NRXN1: variants seen among roughly 807,000 people sequenced by gnomAD.
NRXN1 encodes the protein neurexin-1.
Under a neutral mutation model 150.9 loss-of-function variants are expected in NRXN1, and 39 were observed. The ratio of observed to expected loss-of-function variants is 0.26; its 90% CI spans 0.20 to 0.34. NRXN1 has a LOEUF of 0.34. Ranked by LOEUF, NRXN1 falls within the 10% of genes least tolerant of loss-of-function variation. The probability of loss-of-function intolerance (pLI) is 1.00; values close to 1 mark genes in which losing one functional copy is unlikely to be tolerated. For synonymous variants in NRXN1, 924 were observed against 757.0 expected (o/e 1.22, Z -3.62); for missense variants, 1,815 against 1,949.9 (o/e 0.93, Z 1.30).
rs148317061 is a variant in NRXN1 at position 50,874,849 on chromosome 2, C to T, written c.832+47020G>A. Among the ~76,000 whole-genome samples, 367 of 151,788 alleles carry T rather than the reference C, an allele frequency of 2.4e-3. 2 individuals are homozygous for T. Among genetic ancestry groups the T allele is most frequent in the African/African-American group, 6.5e-3 (268 of 41,468 alleles). ...CAGTCCTTCATATTTTTATATACTA[C>T]GTTGAGAAATGGGAATTCCTGTCAA... On this transcript the variant is annotated intron_variant, in intron 5 of 22. Transcript: ENST00000401669.
At chr2:50,439,139 G>C (rs1049532911) in intron 17 of NRXN1, among the ~76,000 whole-genome samples, 3 of 152,142 alleles carry the variant, frequency 2.0e-5, no homozygotes, top group African/African-American at 7.2e-5. Context: ...GATCAGACAT[G>C]GTGACTACAA....
intron 2 of NRXN1, among the ~76,000 whole-genome samples, chr2:51,010,642 A>G (rs1370088325): frequency 6.6e-6 from 1 of 152,056 alleles, no homozygotes; most frequent in Non-Finnish European, 1.5e-5. Context: ...AAACTGTTAA[A>G]GGAAATACAC....
At chr2:49,980,181 T>G (rs1679755316) in intron 21 of NRXN1, among the ~76,000 whole-genome samples, 1 of 152,162 alleles carries the variant, frequency 6.6e-6, no homozygotes, top group African/African-American at 2.4e-5. Context: ...AGAACTAGCG[T>G]TCCAGAATAG....
chr2:50,123,578 C>T (rs1480159988), intron 18 of NRXN1, among the ~76,000 whole-genome samples: 2 of 152,146 alleles, frequency 1.3e-5, no homozygotes, highest in Non-Finnish European at 2.9e-5. Context: ...TTAAAAAGCT[C>T]ATTCTCAGAG....
chr2:50,961,964 T>TAA (rs34227089), intron 2 of NRXN1, among the ~76,000 whole-genome samples: 269 of 147,724 alleles, frequency 1.8e-3, no homozygotes, highest in African/African-American at 5.6e-3. Context: ...GCCTGCTAGT[T>TAA]AAAAAAAAAA....
intron 13 of NRXN1, among the ~76,000 whole-genome samples, chr2:50,499,817 G>T (rs867785402): frequency 3.9e-5 from 6 of 151,908 alleles, no homozygotes; most frequent in Admixed American, 6.6e-5. Context: ...GCGTGGTGGT[G>T]GGCGCCTGTA....
At chr2:50,406,717 C>A (rs537089464) in intron 17 of NRXN1, among the ~76,000 whole-genome samples, 3 of 152,092 alleles carry the variant, frequency 2.0e-5, no homozygotes, top group Non-Finnish European at 2.9e-5. Context: ...CAGAGAGAGA[C>A]AGACAGAGTT....
chr2:50,000,251 T>C (rs964397716), intron 21 of NRXN1, among the ~76,000 whole-genome samples: 1 of 152,192 alleles, frequency 6.6e-6, no homozygotes, highest in South Asian at 2.1e-4. Flanking sequence ...ATTGTGCTTC[T>C]TTCCAATGGC....
chr2:51,002,148 G>A (rs1242693579), intron 2 of NRXN1, among the ~76,000 whole-genome samples: 3 of 151,928 alleles, frequency 2.0e-5, no homozygotes, highest in Non-Finnish European at 4.4e-5. Flanking sequence ...AGGCCTCCAT[G>A]TCAAGTAAAA....
At chr2:50,293,010 A>G (rs2073121822) in intron 17 of NRXN1, among the ~76,000 whole-genome samples, 1 of 152,184 alleles carries the variant, frequency 6.6e-6, no homozygotes, top group Non-Finnish European at 1.5e-5. Flanking sequence ...TTAAAGGAAT[A>G]AAAACCTACT....
chr2:50,071,830 G>A (rs1273080790), intron 19 of NRXN1, among the ~76,000 whole-genome samples: 1 of 152,132 alleles, frequency 6.6e-6, no homozygotes, highest in East Asian at 1.9e-4. Context: ...GAGTACTCAT[G>A]GATTTGCACA....
rs368453457 is a variant in NRXN1 at position 50,763,213 on chromosome 2, T to G, written c.833-139598A>C. Reference sequence around the variant, plus strand: ...AATTGACAGCTATATGGTGTTACTATTAATTAGTCCCATTTGATTATATCA... The same window carrying G: ...AATTGACAGCTATATGGTGTTACTAGTAATTAGTCCCATTTGATTATATCA... On this transcript the variant is annotated intron_variant, in intron 5 of 22. Coordinates refer to ENST00000401669, the MANE Select transcript of NRXN1 (RefSeq NM_001330078.2). Among the ~76,000 whole-genome samples, 12 of 152,112 alleles carry G rather than the reference T, an allele frequency of 7.9e-5. No homozygotes were observed. The East Asian group carries it at 2.3e-3, about 30-fold the overall frequency.
intron 9 of NRXN1, among the ~76,000 whole-genome samples, chr2:50,539,936 G>T (rs781441159): frequency 6.6e-6 from 1 of 152,104 alleles, no homozygotes; most frequent in Non-Finnish European, 1.5e-5. Context: ...CCAAAAGCCC[G>T]CCCCAAGTGA....
intron 2 of NRXN1, among the ~76,000 whole-genome samples, chr2:51,026,916 C>T (rs937300419): frequency 6.6e-6 from 1 of 152,198 alleles, no homozygotes; most frequent in African/African-American, 2.4e-5. Flanking sequence ...TTTTCCACAA[C>T]GAAAAGCAGG....
At position 49,921,980 on chromosome 2, in the gene NRXN1, T is replaced by G; in HGVS notation, c.4488A>C (p.Lys1496Asn). 6.2e-7 allele frequency: 1 copy of G among 1,614,170 alleles called. No homozygotes were observed. The highest frequency in any genetic ancestry group is 8.5e-7 in the Non-Finnish European group (1 of 1,180,020). Residue 1496 changes from lysine (K) to asparagine (N), a missense_variant, in exon 23 of 23, where the codon AAA becomes AAC. Lys to Asn is a moderately conservative substitution (Grantham distance 94). Around this residue, in one of 6 missense-constraint regions of NRXN1, gnomAD observed 265 missense variants for 307.1 expected, o/e 0.86. Coordinates refer to ENST00000401669, the MANE Select transcript of NRXN1 (RefSeq NM_001330078.2). ...ACTCTTTATCCTTGTTTTTCTTATTTTTGTTGGAGCTTTTCGCACTGCTGG... is the reference window on the plus strand; with the variant it reads ...ACTCTTTATCCTTGTTTTTCTTATTGTTGTTGGAGCTTTTCGCACTGCTGG... ...KQPSSAKSSN[K>N]NKKNKDKEYY...
At chr2:50,766,801 A>G (rs1046451542) in intron 5 of NRXN1, among the ~76,000 whole-genome samples, 7 of 152,040 alleles carry the variant, frequency 4.6e-5, no homozygotes, top group Admixed American at 2.0e-4. Flanking sequence ...TGTGCAGAAT[A>G]TAAGGGCAGT....
In NRXN1 at chr2:50,860,776, G is replaced by T. The variant is rs1289337128; in HGVS notation, c.832+61093C>A. 2.6e-5 allele frequency among the ~76,000 whole-genome samples: 4 copies of T among 152,134 alleles called. No homozygotes were observed. In the East Asian group the frequency reaches 7.8e-4, roughly 30 times the overall value. On this transcript the variant is annotated intron_variant, in intron 5 of 22. Coordinates refer to ENST00000401669, the MANE Select transcript of NRXN1 (RefSeq NM_001330078.2). The stretch of plus-strand genomic sequence containing the variant: ...AAAAGCGATGACCCAGAGTGAGAGA[G>T]GATAGGCATGGTCCCAGACCACATG...
intron 17 of NRXN1, among the ~76,000 whole-genome samples, chr2:50,443,521 C>T (rs536808661): frequency 3.3e-5 from 5 of 152,146 alleles, no homozygotes; most frequent in East Asian, 1.9e-4. Flanking sequence ...GTCATGTTAC[C>T]GAGTAGAAAG....
chr2:50,613,530 T>C (rs1316525083), intron 8 of NRXN1, among the ~76,000 whole-genome samples: 3 of 152,334 alleles, frequency 2.0e-5, no homozygotes, highest in South Asian at 2.1e-4. Flanking sequence ...TGGTCAAAAA[T>C]TGAGCATCTG....
Sources: gnomAD v4.1 joint callset for allele counts (sites outside exome capture counted in the v4.1 genomes callset) on GRCh38, gnomAD v4.1.1 for gene constraint, gnomAD v4.1.1 regional missense constraint, MANE v1.5 for transcripts, NCBI Gene and HGNC (gene_info 2026-07-23, HGNC 2026-07-21) for gene names.